EEFSEC: variants seen among roughly 807,000 people sequenced by gnomAD.
EEFSEC encodes eukaryotic elongation factor, selenocysteine-tRNA specific, also known as selenocysteine-specific elongation factor.
Under a neutral mutation model 42.1 loss-of-function variants are expected in EEFSEC, and 43 were observed. The observed-to-expected ratio is 1.02, with a 90% CI of 0.80 to 1.32. The LOEUF is 1.32. Among genes scored for constraint, EEFSEC ranks in the 40% most tolerant of loss-of-function variants. The probability of loss-of-function intolerance (pLI) is 0.00; values close to 1 mark genes in which losing one functional copy is unlikely to be tolerated. For synonymous variants in EEFSEC, 354 were observed against 339.1 expected (o/e 1.04, Z -0.48); for missense variants, 745 against 803.6 (o/e 0.93, Z 0.88).
chr3:128,319,674 C>T (rs1164604639), intron 4 of EEFSEC, among the ~76,000 whole-genome samples: 1 of 152,224 alleles, frequency 6.6e-6, no homozygotes, highest in Non-Finnish European at 1.5e-5. Flanking sequence ...ACTCCTCTCT[C>T]TGCCTTACAA....
At chr3:128,293,380 T>G (rs1000053588) in intron 4 of EEFSEC, among the ~76,000 whole-genome samples, 2 of 152,156 alleles carry the variant, frequency 1.3e-5, no homozygotes, top group African/African-American at 4.8e-5. Context: ...TCTCTCCTAG[T>G]AGATATTTAT....
intron 1 of EEFSEC, among the ~76,000 whole-genome samples, chr3:128,189,236 G>A (rs1025582034): frequency 5.3e-5 from 8 of 152,314 alleles, no homozygotes; most frequent in South Asian, 2.1e-4. Context: ...CTTGACAAGC[G>A]CCTCGCAGAA....
rs749942356 is a variant in EEFSEC, at chr3:128,358,381, C to G, written c.1600+8C>G. On this transcript the variant is annotated splice_region_variant and intron_variant, in intron 6 of 6. Coordinates refer to ENST00000254730, the MANE Select transcript of EEFSEC (RefSeq NM_021937.5). ...TCAAGATCCACATCCCAGGTAAGTG[C>G]AGCCACTTCCTCCCGGTTTAGGGAC... 3.7e-6 allele frequency: 6 copies of G among 1,613,824 alleles called. No homozygotes were observed. Among genetic ancestry groups the G allele is most frequent in the South Asian group, 3.3e-5 (3 of 91,056 alleles).
At chr3:128,201,698 CA>C (rs1191335751) in intron 1 of EEFSEC, among the ~76,000 whole-genome samples, 2 of 152,076 alleles carry the variant, frequency 1.3e-5, no homozygotes, top group African/African-American at 4.8e-5. Context: ...TTTTGATAAC[CA>C]AAAGTTTTGA....
At chr3:128,235,185 C>G (rs1216006921) in intron 1 of EEFSEC, among the ~76,000 whole-genome samples, 1 of 152,032 alleles carries the variant, frequency 6.6e-6, no homozygotes, top group Non-Finnish European at 1.5e-5. Flanking sequence ...CTGCCTCAGC[C>G]TCCCATATGT....
At chr3:128,201,870 G>C (rs2065647162) in intron 1 of EEFSEC, among the ~76,000 whole-genome samples, 1 of 152,174 alleles carries the variant, frequency 6.6e-6, no homozygotes, top group African/African-American at 2.4e-5. Context: ...TCTTGAATTA[G>C]TTTTTGTATG....
chr3:128,350,260 C>A (rs1425785362), intron 5 of EEFSEC, among the ~76,000 whole-genome samples: 1 of 152,234 alleles, frequency 6.6e-6, no homozygotes, highest in Non-Finnish European at 1.5e-5. Flanking sequence ...GGCTCATGAC[C>A]TGCCTCTGGC....
chr3:128,265,971 T>C (rs2066349941), intron 4 of EEFSEC, among the ~76,000 whole-genome samples: 2 of 152,186 alleles, frequency 1.3e-5, no homozygotes, highest in African/African-American at 2.4e-5. Flanking sequence ...GGAATTTGCT[T>C]ATACTATTAT....
intron 4 of EEFSEC, among the ~76,000 whole-genome samples, chr3:128,329,789 C>T (rs1559923077): frequency 6.6e-6 from 1 of 152,348 alleles, no homozygotes; most frequent in East Asian, 1.9e-4. Flanking sequence ...GGGAGCCACA[C>T]ATAGGAGGGA....
chr3:128,309,653 G>T (rs1251860802), intron 4 of EEFSEC, among the ~76,000 whole-genome samples: 1 of 152,238 alleles, frequency 6.6e-6, no homozygotes, highest in Non-Finnish European at 1.5e-5. Context: ...GAGGGTGAAA[G>T]CAAGCTGAGA....
At position 128,367,988 on chromosome 3, in the gene EEFSEC, G is replaced by A. The variant is rs578069384; in HGVS notation, c.1600+9615G>A. ...GTGCCTCAGGAATTCCATGGGGCCA[G>A]TCACATGGCCTGATGCCCTTGGGCT... On this transcript the variant is annotated intron_variant, in intron 6 of 6. Coordinates refer to ENST00000254730, the MANE Select transcript of EEFSEC (RefSeq NM_021937.5). Among the ~76,000 whole-genome samples the A allele has an allele frequency of 1.1e-3, 162 of 152,374 alleles. 1 individual carries two copies. Among genetic ancestry groups the A allele is most frequent in the Middle Eastern group, 3.4e-3 (1 of 294 alleles).
At chr3:128,198,727 A>G (rs1364625157) in intron 1 of EEFSEC, among the ~76,000 whole-genome samples, 1 of 152,158 alleles carries the variant, frequency 6.6e-6, no homozygotes, top group African/African-American at 2.4e-5. Context: ...GAGCCACACA[A>G]TGCAGAGGGA....
At chr3:128,281,789 G>A (rs1454752889) in intron 4 of EEFSEC, among the ~76,000 whole-genome samples, 1 of 152,162 alleles carries the variant, frequency 6.6e-6, no homozygotes, top group African/African-American at 2.4e-5. Flanking sequence ...GGCCCTGTGC[G>A]GGGGTTTTGA....
intron 4 of EEFSEC, among the ~76,000 whole-genome samples, chr3:128,305,968 T>C (rs2066821752): frequency 6.6e-6 from 1 of 152,250 alleles, no homozygotes; most frequent in South Asian, 2.1e-4. Context: ...CCACTGTATG[T>C]TACTTTCTAG....
intron 1 of EEFSEC, among the ~76,000 whole-genome samples, chr3:128,198,546 A>G (rs918435802): frequency 6.6e-6 from 1 of 152,240 alleles, no homozygotes; most frequent in African/African-American, 2.4e-5. Flanking sequence ...AAGGCCAGCC[A>G]GAGAATGCTG....
chr3:128,153,863 G>T, intron 1 of EEFSEC, 40 bp downstream of exon 1: 1 of 1,462,814 alleles, frequency 6.8e-7, no homozygotes, highest in Non-Finnish European at 8.9e-7. Flanking sequence ...TCAGGGACGC[G>T]GGCGGAGCGA....
chr3:128,332,840 C>T (rs74907343), intron 4 of EEFSEC, among the ~76,000 whole-genome samples: 79 of 152,184 alleles, frequency 5.2e-4, no homozygotes, highest in African/African-American at 1.9e-3. Context: ...ATGCATTAGG[C>T]GGGGGAAAAT....
intron 5 of EEFSEC, among the ~76,000 whole-genome samples, chr3:128,347,035 C>G (rs7610072): frequency 5.9e-5 from 9 of 152,268 alleles, no homozygotes; most frequent in South Asian, 2.1e-4. Context: ...AGAATGAGCA[C>G]CCTGCGAGGA....
At chr3:128,229,787 G>A (rs1432579648) in intron 1 of EEFSEC, among the ~76,000 whole-genome samples, 2 of 152,070 alleles carry the variant, frequency 1.3e-5, no homozygotes, top group African/African-American at 4.8e-5. Context: ...AGAGGATCTG[G>A]CAACTTGAGG....
Sources: gnomAD v4.1 joint callset for allele counts (sites outside exome capture counted in the v4.1 genomes callset) on GRCh38, gnomAD v4.1.1 for gene constraint, MANE v1.5 for transcripts, NCBI Gene and HGNC (gene_info 2026-07-23, HGNC 2026-07-21) for gene names.